PARP4: variants seen among roughly 807,000 people sequenced by gnomAD.
PARP4 encodes poly(ADP-ribose) polymerase family member 4.
In PARP4, 120 loss-of-function variants were observed where a neutral mutation model predicts 187.7. The ratio of observed to expected loss-of-function variants is 0.64; its 90% CI spans 0.55 to 0.74. PARP4 has a LOEUF of 0.74. Among genes scored for constraint, PARP4 ranks in the 30% least tolerant of loss-of-function variants. PARP4 has a pLI of 0.00. For missense variants in PARP4, 1,836 were observed against 2,070.5 expected, an observed-to-expected ratio of 0.89 and a Z score of 2.20; for synonymous variants, 654 against 740.9, an observed-to-expected ratio of 0.88 and a Z score of 1.90.
chr13:24,480,915 T>A (rs1873244093), intron 12 of PARP4, among the ~76,000 whole-genome samples: 1 of 152,202 alleles, frequency 6.6e-6, no homozygotes, highest in Admixed American at 6.5e-5. Context: ...CACAACAGAT[T>A]TTCCATGTAG....
chr13:24,438,198 C>T (rs1870730282), intron 30 of PARP4, among the ~76,000 whole-genome samples: 2 of 152,194 alleles, frequency 1.3e-5, no homozygotes, highest in Admixed American at 1.3e-4. Flanking sequence ...GCAGTGGGGA[C>T]TGGTTTCATG....
intron 1 of PARP4, among the ~76,000 whole-genome samples, chr13:24,505,002 G>A (rs1481739799): frequency 8.3e-6 from 1 of 120,100 alleles, no homozygotes; most frequent in African/African-American, 3.1e-5. Context: ...GCACACCCCC[G>A]CTTTTTTTTT....
intron 17 of PARP4, among the ~76,000 whole-genome samples, chr13:24,462,168 T>A (rs1442158396): frequency 6.6e-6 from 1 of 152,140 alleles, no homozygotes; most frequent in East Asian, 1.9e-4. Context: ...GTACAGCACA[T>A]CAAGCAACAG....
At chr13:24,445,148 G>C (rs999865453) in intron 27 of PARP4, among the ~76,000 whole-genome samples, 1 of 152,224 alleles carries the variant, frequency 6.6e-6, no homozygotes, top group East Asian at 1.9e-4. Flanking sequence ...GTCTCACGTG[G>C]CTCGTGCACA....
At chr13:24,512,407 C>G (rs1870061347) in intron 1 of PARP4, among the ~76,000 whole-genome samples, 1 of 152,226 alleles carries the variant, frequency 6.6e-6, no homozygotes, top group Admixed American at 6.5e-5. Context: ...CGAACCGCAC[C>G]GCACGGGGTG....
chr13:24,421,210 T>C lies in PARP4; in HGVS notation c.5084A>G (p.Asp1695Gly). ...SICPRLELGN[D>G]WDSATKQLLG... ...CAACTGCTTGGTGGCAGAGTCCCAGTCGTTCCCCAGTTCAAGCCGTGGGCA... is the reference window on the plus strand; with the variant it reads ...CAACTGCTTGGTGGCAGAGTCCCAGCCGTTCCCCAGTTCAAGCCGTGGGCA... The change falls in exon 34 of 34, where the codon GAC (aspartate) becomes GGC (glycine). Residue 1695 changes from aspartate to glycine, a missense_variant. By Grantham distance (94) the Asp-to-Gly change is moderately conservative. Transcript: ENST00000381989. The C allele has an allele frequency of 2.8e-6, 4 of 1,423,042 alleles. No individual in the cohort carries two copies. The highest frequency in any genetic ancestry group is 3.8e-6 in the Non-Finnish European group (4 of 1,064,756). 88.2% of individuals were successfully genotyped at this position (1,423,042 alleles called of 1,614,324 possible).
Position 24,435,064 on chromosome 13 carries a change from A to C in PARP4, c.4077T>G (p.Phe1359Leu). ...SFGSAAPPRQ[F>L]DASQFSQGPV... ...GGCCTTGGCTGAATTGAGATGCATC[A>C]AACTGTCTGGGAGGAGCAGCTGAAC... Residue 1359 changes from phenylalanine (F) to leucine (L), a missense_variant, in exon 31 of 34, where the codon TTT becomes TTG. Transcript: ENST00000381989. The C allele has an allele frequency of 6.2e-7, 1 of 1,614,142 alleles. No homozygotes were observed. The highest frequency in any genetic ancestry group is 8.5e-7 in the Non-Finnish European group (1 of 1,180,038).
intron 9 of PARP4, among the ~76,000 whole-genome samples, 192 bp downstream of exon 9, chr13:24,492,229 T>G (rs1309554199): frequency 6.6e-6 from 1 of 152,202 alleles, no homozygotes; most frequent in African/African-American, 2.4e-5. Flanking sequence ...TGTGCCAACA[T>G]ATTCACATTT....
intron 33 of PARP4, among the ~76,000 whole-genome samples, chr13:24,422,871 T>A (rs1197311957): frequency 6.6e-6 from 1 of 152,150 alleles, no homozygotes; most frequent in African/African-American, 2.4e-5. Context: ...CCTCCCAAAG[T>A]GCTGGAATTA....
intron 17 of PARP4, among the ~76,000 whole-genome samples, chr13:24,467,445 T>G (rs1872530693): frequency 1.3e-5 from 2 of 152,148 alleles, no homozygotes. Context: ...AAGACTTGTT[T>G]GTTTGTTTAG....
At chr13:24,476,840 A>G (rs183340323) in intron 14 of PARP4, among the ~76,000 whole-genome samples, 19 of 152,314 alleles carry the variant, frequency 1.2e-4, no homozygotes, top group South Asian at 1.0e-3. Context: ...CGCACCACAC[A>G]TGGCAATTTA....
chr13:24,467,393 G>A (rs978336880), intron 17 of PARP4, among the ~76,000 whole-genome samples: 4 of 152,096 alleles, frequency 2.6e-5, no homozygotes, highest in South Asian at 2.1e-4. Flanking sequence ...GGGTCTTTCC[G>A]GGGGAAGGCA....
chr13:24,509,683 A>G (rs1215222569), intron 1 of PARP4, among the ~76,000 whole-genome samples: 2 of 152,010 alleles, frequency 1.3e-5, no homozygotes, highest in African/African-American at 4.8e-5. Context: ...TCCATCCAGA[A>G]ATAACCCCAC....
At chr13:24,496,715 C>CT (rs1868977873) in intron 6 of PARP4, among the ~76,000 whole-genome samples, 1 of 152,178 alleles carries the variant, frequency 6.6e-6, no homozygotes, top group African/African-American at 2.4e-5. Flanking sequence ...GGAGAAGTGA[C>CT]TGTTTCCTGG....
intron 1 of PARP4, among the ~76,000 whole-genome samples, chr13:24,506,450 T>C (rs1223440341): frequency 6.6e-6 from 1 of 151,922 alleles, no homozygotes; most frequent in African/African-American, 2.4e-5. Context: ...TATTCCCTTA[T>C]GTGGCCCCAC....
chr13:24,477,924 T>A lies in PARP4; in HGVS notation c.1633-67A>T, dbSNP rs879569285. 3 of 1,234,254 alleles carry A rather than the reference T, an allele frequency of 2.4e-6. No individual in the cohort carries two copies. The Admixed American group carries it at 7.5e-5, about 31-fold the overall frequency. The allele number at this position is 1,234,254 out of a possible 1,614,324, so 76.5% of individuals were successfully genotyped here. On this transcript the variant is annotated intron_variant, in intron 13 of 33. Transcript: ENST00000381989. ...AACAAAAAACCTGTATTGGCAGATG[T>A]TTTCATAAAAGCATGTTTGCTAATT...
intron 10 of PARP4, among the ~76,000 whole-genome samples, chr13:24,486,513 A>C (rs1873563915): frequency 6.6e-6 from 1 of 152,270 alleles, no homozygotes; most frequent in African/African-American, 2.4e-5. Context: ...AGTAAAGTAT[A>C]CAGTAAAATA....
intron 2 of PARP4, among the ~76,000 whole-genome samples, chr13:24,502,798 T>C (rs1488828965): frequency 6.6e-6 from 1 of 152,206 alleles, no homozygotes; most frequent in Non-Finnish European, 1.5e-5. Context: ...TGGGAAGCTG[T>C]ATAAGGGAAG....
chr13:24,457,192 A>C (rs1421365093), intron 20 of PARP4, among the ~76,000 whole-genome samples: 2 of 152,190 alleles, frequency 1.3e-5, no homozygotes, highest in African/African-American at 4.8e-5. Flanking sequence ...TATTTTCATG[A>C]ATATAAAAAA....
Sources: gnomAD v4.1 joint callset for allele counts (sites outside exome capture counted in the v4.1 genomes callset) on GRCh38, gnomAD v4.1.1 for gene constraint, MANE v1.5 for transcripts, NCBI Gene and HGNC (gene_info 2026-07-23, HGNC 2026-07-21) for gene names.